TAFA2: variants seen among roughly 807,000 people sequenced by gnomAD.
The protein encoded by TAFA2 is TAFA chemokine like family member 2, also known as chemokine-like protein TAFA-2.
TAFA2 carries 7 observed loss-of-function variants against 18.8 expected under a neutral mutation model. That is an observed-to-expected ratio of 0.37 (90% confidence interval 0.21 to 0.70). The LOEUF (loss-of-function observed/expected upper bound fraction) is 0.70. Among genes scored for constraint, TAFA2 ranks in the 30% least tolerant of loss-of-function variants. TAFA2 has a pLI of 0.53. For synonymous variants in TAFA2, 60 were observed against 54.2 expected (o/e 1.11, Z -0.47); for missense variants, 122 against 158.1 (o/e 0.77, Z 1.23).
chr12:62,101,525 G>A (rs532585042), intron 1 of TAFA2, among the ~76,000 whole-genome samples: 3 of 152,250 alleles, frequency 2.0e-5, no homozygotes, highest in Admixed American at 2.0e-4. Flanking sequence ...ATTCAGAAAG[G>A]TAAACACTGT....
chr12:62,001,542 C>T (rs1450076590), intron 1 of TAFA2, among the ~76,000 whole-genome samples: 1 of 152,082 alleles, frequency 6.6e-6, no homozygotes, highest in African/African-American at 2.4e-5. Context: ...ACTTAGATCC[C>T]TCACATGCGC....
chr12:61,815,682 C>T (rs1054921922), intron 2 of TAFA2, among the ~76,000 whole-genome samples: 1 of 150,148 alleles, frequency 6.7e-6, no homozygotes, highest in Non-Finnish European at 1.5e-5. Context: ...AAAAAGTAGG[C>T]AATTGAATCT....
intron 4 of TAFA2, chr12:61,720,722 G>A: frequency 2.7e-6 from 1 of 364,942 alleles, no homozygotes; most frequent in Admixed American, 3.7e-5. Flanking sequence ...CTCATTTCTG[G>A]AGTTGTTTTG....
chr12:61,991,123 C>T (rs1285494429), intron 1 of TAFA2, among the ~76,000 whole-genome samples: 1 of 152,186 alleles, frequency 6.6e-6, no homozygotes, highest in Non-Finnish European at 1.5e-5. Context: ...TAATTACTTG[C>T]TCTAGCATTT....
Position 62,161,895 on chromosome 12 carries a change from A to C in TAFA2, c.-2+29364T>G, listed in dbSNP as rs184924200. Among the ~76,000 whole-genome samples the C allele has an allele frequency of 1.4e-3, 219 of 152,298 alleles. 1 individual carries two copies. The highest frequency in any genetic ancestry group is 5.1e-3 in the African/African-American group (213 of 41,554). ...GAAATTTGATGATGTTTTTATGACCAGAAATATGTCATAGGAGTTAACTCT... is the reference window on the plus strand; with the variant it reads ...GAAATTTGATGATGTTTTTATGACCCGAAATATGTCATAGGAGTTAACTCT... On this transcript the variant is annotated intron_variant, in intron 1 of 4. Transcript: ENST00000416284.
intron 4 of TAFA2, among the ~76,000 whole-genome samples, chr12:61,747,222 C>A (rs1204918726): frequency 1.3e-5 from 2 of 150,806 alleles, no homozygotes; most frequent in East Asian, 3.9e-4. Flanking sequence ...ACAACAGGTG[C>A]TGGAGAGGAT....
At chr12:61,901,791 T>G (rs1565674663) in intron 1 of TAFA2, among the ~76,000 whole-genome samples, 1 of 152,196 alleles carries the variant, frequency 6.6e-6, no homozygotes, top group African/African-American at 2.4e-5. Context: ...AATTTTTGAT[T>G]GTATACCATG....
intron 1 of TAFA2, among the ~76,000 whole-genome samples, chr12:62,119,571 A>G (rs565083978): frequency 8.5e-5 from 13 of 152,310 alleles, no homozygotes; most frequent in African/African-American, 3.1e-4. Flanking sequence ...TCCTACTATG[A>G]CATAATTTGT....
At chr12:61,907,180 T>G (rs1372029988) in intron 1 of TAFA2, among the ~76,000 whole-genome samples, 3 of 152,114 alleles carry the variant, frequency 2.0e-5, no homozygotes, top group Admixed American at 6.5e-5. Flanking sequence ...ACCAAGATAG[T>G]GGGGAAAATG....
intron 1 of TAFA2, among the ~76,000 whole-genome samples, chr12:62,147,320 ATGTATG>A (rs202178510): frequency 0.33 from 12,076 of 36,856 alleles, 1,114 homozygotes; most frequent in Middle Eastern, 0.41. Flanking sequence ...GTGTGTGTGT[ATGTATG>A]TATATATATA....
chr12:61,927,096 A>G (rs1236839892), intron 1 of TAFA2, among the ~76,000 whole-genome samples: 2 of 129,550 alleles, frequency 1.5e-5, no homozygotes, highest in Non-Finnish European at 3.3e-5. Flanking sequence ...AAAAAAAAAT[A>G]CAGGCACAAG....
At chr12:62,170,495 C>T (rs750813054) in intron 1 of TAFA2, among the ~76,000 whole-genome samples, 35 of 152,140 alleles carry the variant, frequency 2.3e-4, no homozygotes, top group Non-Finnish European at 4.4e-4. Flanking sequence ...TGCTTTGATG[C>T]TTTTCCATTT....
At chr12:61,936,512 G>A (rs915249831) in intron 1 of TAFA2, among the ~76,000 whole-genome samples, 1 of 152,068 alleles carries the variant, frequency 6.6e-6, no homozygotes, top group Admixed American at 6.6e-5. Flanking sequence ...AGGTTGCAGT[G>A]AGCTGAGATC....
At chr12:61,978,158 C>T (rs1879503540) in intron 1 of TAFA2, among the ~76,000 whole-genome samples, 1 of 151,972 alleles carries the variant, frequency 6.6e-6, no homozygotes, top group Admixed American at 6.6e-5. Flanking sequence ...TATTACCCCT[C>T]TCAGTAGGAG....
intron 1 of TAFA2, among the ~76,000 whole-genome samples, chr12:62,056,766 C>A (rs1391571555): frequency 1.3e-5 from 2 of 152,188 alleles, no homozygotes; most frequent in Non-Finnish European, 2.9e-5. Context: ...AAATCAAAAA[C>A]CATTTTGGAC....
At position 61,900,973 on chromosome 12, in the gene TAFA2, T is replaced by C. The variant is rs539821548; in HGVS notation, c.-1-33547A>G. On this transcript the variant is annotated intron_variant, in intron 1 of 4. Transcript: ENST00000416284. ...TTCCATCAACAAGATCATGTCAAGT[T>C]TTTTTCATTAAATTGGCCAATCCAT... Among the ~76,000 whole-genome samples the C allele has an allele frequency of 2.0e-5, 3 of 152,306 alleles. No individual in the cohort carries two copies. In the East Asian group the frequency reaches 5.8e-4, roughly 29 times the overall value.
chr12:61,795,305 C>A (rs12316264), intron 2 of TAFA2, among the ~76,000 whole-genome samples: 4,339 of 152,242 alleles, frequency 0.029, 210 homozygotes, highest in African/African-American at 0.098. Context: ...GCACTATTCA[C>A]AATAGCTAAG....
intron 1 of TAFA2, among the ~76,000 whole-genome samples, chr12:61,962,548 T>C (rs913011418): frequency 5.9e-5 from 9 of 152,014 alleles, no homozygotes; most frequent in African/African-American, 1.9e-4. Context: ...GGGAATTCTT[T>C]TTTTAAAACA....
chr12:61,935,924 T>A (rs1324403200), intron 1 of TAFA2, among the ~76,000 whole-genome samples: 2 of 151,368 alleles, frequency 1.3e-5, no homozygotes, highest in Admixed American at 6.6e-5. Flanking sequence ...CTTCCAGACA[T>A]ACAAAAAAGA....
Sources: allele counts gnomAD v4.1 joint callset (sites outside exome capture counted in the v4.1 genomes callset), GRCh38; gene constraint gnomAD v4.1.1; transcripts MANE v1.5; gene names NCBI Gene and HGNC (gene_info 2026-07-23, HGNC 2026-07-21).